The following FHIT variants were observed in gnomAD, a reference collection of about 807,000 sequenced individuals.
FHIT encodes the protein fragile histidine triad diadenosine triphosphatase.
In FHIT, 19 loss-of-function variants were observed where a neutral mutation model predicts 17.9. The observed-to-expected ratio is 1.06, with a 90% CI of 0.74 to 1.56. The LOEUF is 1.56. Among genes scored for constraint, FHIT ranks in the 40% most tolerant of loss-of-function variants. The pLI, the probability that FHIT is intolerant of heterozygous loss-of-function variation, is 0.00. For missense variants in FHIT, 248 were observed against 189.2 expected, an observed-to-expected ratio of 1.31 and a Z score of -1.82; for synonymous variants, 81 against 69.7, an observed-to-expected ratio of 1.16 and a Z score of -0.81.
intron 4 of FHIT, among the ~76,000 whole-genome samples, chr3:60,804,430 C>A (rs1370637702): frequency 1.3e-5 from 2 of 152,176 alleles, no homozygotes. Context: ...GGCTCTGGAG[C>A]CAGGATGCCT....
chr3:59,863,346 T>A (rs889596336), intron 8 of FHIT, among the ~76,000 whole-genome samples: 3 of 152,216 alleles, frequency 2.0e-5, no homozygotes, highest in Non-Finnish European at 2.9e-5. Flanking sequence ...TTTGGTCTAA[T>A]TATCTGCTGA....
intron 7 of FHIT, among the ~76,000 whole-genome samples, chr3:59,926,070 C>T (rs960714184): frequency 7.2e-5 from 11 of 152,214 alleles, no homozygotes; most frequent in Non-Finnish European, 1.3e-4. Flanking sequence ...TGCAGTTGAG[C>T]TGCTTGAGCT....
intron 5 of FHIT, among the ~76,000 whole-genome samples, chr3:60,410,402 A>C (rs922868937): frequency 1.3e-5 from 2 of 152,220 alleles, no homozygotes; most frequent in African/African-American, 4.8e-5. Flanking sequence ...TATTTATAAG[A>C]CTGACACAGG....
chr3:60,654,881 C>T (rs1306978611), intron 4 of FHIT, among the ~76,000 whole-genome samples: 1 of 151,724 alleles, frequency 6.6e-6, no homozygotes. Flanking sequence ...TATAGCTGAC[C>T]GAGAATGGAA....
chr3:61,052,459 A>G (rs11130815), intron 2 of FHIT, among the ~76,000 whole-genome samples: 1,792 of 152,126 alleles, frequency 0.012, 43 homozygotes, highest in African/African-American at 0.041. Flanking sequence ...ACCTAAATAC[A>G]CAAGTGTTAC....
At chr3:59,981,065 A>G (rs1370872226) in intron 7 of FHIT, among the ~76,000 whole-genome samples, 3 of 152,164 alleles carry the variant, frequency 2.0e-5, no homozygotes, top group South Asian at 4.1e-4. Context: ...TATAAACAAC[A>G]ACCACAAAAA....
intron 2 of FHIT, among the ~76,000 whole-genome samples, chr3:61,102,143 G>T (rs890720134): frequency 6.6e-6 from 1 of 152,168 alleles, no homozygotes. Flanking sequence ...AGTTTTCAAA[G>T]GGAATGCTTC....
chr3:60,844,873 T>A (rs2594129), intron 3 of FHIT, among the ~76,000 whole-genome samples: 15 of 151,936 alleles, frequency 9.9e-5, no homozygotes, highest in African/African-American at 3.4e-4. Context: ...CTTATTATTC[T>A]TGGTCCCCTA....
intron 5 of FHIT, among the ~76,000 whole-genome samples, chr3:60,460,769 C>T (rs1201211461): frequency 6.6e-6 from 1 of 152,064 alleles, no homozygotes; most frequent in African/African-American, 2.4e-5. Flanking sequence ...AATTCTGATC[C>T]AATAGTCACT....
In FHIT at chr3:60,123,967, AATAT is replaced by A. The variant is rs1176212050; in HGVS notation, c.104-109819_104-109816del. ...CTTCCATTAACAGAAATGCACTAAAAATATATATATATATATATATATATATATA... is the reference window on the plus strand; with the variant it reads ...CTTCCATTAACAGAAATGCACTAAAAATATATATATATATATATATATATA... On this transcript the variant is annotated intron_variant, in intron 5 of 9. Coordinates refer to ENST00000492590, the MANE Select transcript of FHIT (RefSeq NM_002012.4). Among the ~76,000 whole-genome samples the A allele has an allele frequency of 9.1e-3, 252 of 27,682 alleles. 7 individuals are homozygous for A. The highest frequency in any genetic ancestry group is 0.022 in the East Asian group (14 of 628). 18.2% of individuals were successfully genotyped at this position (27,682 alleles called of 152,430 possible).
At chr3:60,141,383 T>C (rs1380805147) in intron 5 of FHIT, among the ~76,000 whole-genome samples, 2 of 141,844 alleles carry the variant, frequency 1.4e-5, no homozygotes, top group East Asian at 4.0e-4. Flanking sequence ...ATGATGCCCA[T>C]TAAAAAAAAA....
chr3:60,454,703 C>G (rs1219992971), intron 5 of FHIT, among the ~76,000 whole-genome samples: 1 of 151,974 alleles, frequency 6.6e-6, no homozygotes, highest in Non-Finnish European at 1.5e-5. Flanking sequence ...CTTTTAAAGT[C>G]CTAAATATAT....
chr3:60,354,066 T>TA (rs1308640416), intron 5 of FHIT, among the ~76,000 whole-genome samples: 3 of 152,092 alleles, frequency 2.0e-5, no homozygotes, highest in African/African-American at 7.2e-5. Context: ...TGTCTCACGA[T>TA]AAAAAAGTGG....
At chr3:59,953,361 CAGTG>C (rs1707220186) in intron 7 of FHIT, among the ~76,000 whole-genome samples, 1 of 152,034 alleles carries the variant, frequency 6.6e-6, no homozygotes, top group Middle Eastern at 3.2e-3. Context: ...CCTCCTCCTC[CAGTG>C]AGTGTCTCCC....
intron 5 of FHIT, among the ~76,000 whole-genome samples, chr3:60,294,449 T>C (rs1191029091): frequency 6.6e-6 from 1 of 152,164 alleles, no homozygotes; most frequent in Non-Finnish European, 1.5e-5. Flanking sequence ...GCAGCAGAAC[T>C]TGCACCAGAA....
At chr3:61,024,570 T>A (rs2032632592) in intron 3 of FHIT, among the ~76,000 whole-genome samples, 2 of 152,132 alleles carry the variant, frequency 1.3e-5, no homozygotes, top group Non-Finnish European at 1.5e-5. Context: ...TTTGTATGTA[T>A]GAGCAAAGTA....
chr3:60,723,933 T>C (rs1428857818), intron 4 of FHIT, among the ~76,000 whole-genome samples: 2 of 152,228 alleles, frequency 1.3e-5, no homozygotes, highest in Admixed American at 6.5e-5. Flanking sequence ...TTCAAGCTTC[T>C]TTCATAGAAA....
intron 2 of FHIT, among the ~76,000 whole-genome samples, chr3:61,082,217 A>AAGC (rs1193811771): frequency 6.6e-6 from 1 of 152,186 alleles, no homozygotes. Flanking sequence ...ATCATCCTAG[A>AAGC]AGCACATTTC....
chr3:60,134,334 T>C (rs1468195641), intron 5 of FHIT, among the ~76,000 whole-genome samples: 1 of 152,186 alleles, frequency 6.6e-6, no homozygotes, highest in Non-Finnish European at 1.5e-5. Context: ...TGGAAAAAGA[T>C]AATCCAATGG....
Sources: allele counts gnomAD v4.1 joint callset (sites outside exome capture counted in the v4.1 genomes callset), GRCh38; gene constraint gnomAD v4.1.1; transcripts MANE v1.5; gene names NCBI Gene and HGNC (gene_info 2026-07-23, HGNC 2026-07-21).